Variants in WWC1 observed in about 807,000 individuals in gnomAD.
The protein encoded by WWC1 is WW and C2 domain containing 1, also known as protein KIBRA.
WWC1 carries 55 observed loss-of-function variants against 138.4 expected under a neutral mutation model. The ratio of observed to expected loss-of-function variants is 0.40; its 90% CI spans 0.32 to 0.50. WWC1 has a LOEUF of 0.50. WWC1 is among the 20% of genes least tolerant of loss of function. The pLI is 0.72. For missense variants in WWC1, 1,226 were observed against 1,420.4 expected (o/e 0.86, Z 2.20); for synonymous variants, 524 against 564.9 (o/e 0.93, Z 1.03).
intron 3 of WWC1, among the ~76,000 whole-genome samples, chr5:168,386,010 CT>C (rs1291970973): frequency 6.6e-6 from 1 of 152,116 alleles, no homozygotes; most frequent in African/African-American, 2.4e-5. Flanking sequence ...CCCAGCCCCC[CT>C]TTCTGTTTCC....
intron 1 of WWC1, among the ~76,000 whole-genome samples, chr5:168,349,469 C>T (rs901757124): frequency 1.3e-5 from 2 of 152,228 alleles, no homozygotes; most frequent in Admixed American, 6.5e-5. Context: ...CCATCCCACT[C>T]TCCAGGGCCT....
At chr5:168,297,402 A>C (rs1359726931) in intron 1 of WWC1, among the ~76,000 whole-genome samples, 2 of 152,096 alleles carry the variant, frequency 1.3e-5, no homozygotes, top group Non-Finnish European at 2.9e-5. Context: ...TGAGGCGGGC[A>C]GATCACCTGA....
chr5:168,341,816 C>T (rs1402716938), intron 1 of WWC1, among the ~76,000 whole-genome samples: 1 of 152,182 alleles, frequency 6.6e-6, no homozygotes, highest in Non-Finnish European at 1.5e-5. Context: ...TGAAAAGGAC[C>T]TGGTGATTCA....
At chr5:168,331,007 C>T (rs1019096768) in intron 1 of WWC1, among the ~76,000 whole-genome samples, 4 of 152,170 alleles carry the variant, frequency 2.6e-5, no homozygotes, top group Non-Finnish European at 4.4e-5. Flanking sequence ...ATGTCCACCC[C>T]TTCCCCACTT....
At chr5:168,384,348 ATAT>A (rs1449717042) in intron 2 of WWC1, among the ~76,000 whole-genome samples, 4 of 152,182 alleles carry the variant, frequency 2.6e-5, no homozygotes, top group African/African-American at 9.7e-5. Context: ...ACTTCATAAT[ATAT>A]TATTATTATG....
chr5:168,439,802 T>C (rs1476074447), intron 15 of WWC1, among the ~76,000 whole-genome samples: 1 of 152,210 alleles, frequency 6.6e-6, no homozygotes, highest in African/African-American at 2.4e-5. Flanking sequence ...TTGCTAGATA[T>C]GACTAAATTC....
chr5:168,399,975 G>A (rs1779191102), intron 5 of WWC1, among the ~76,000 whole-genome samples: 1 of 152,138 alleles, frequency 6.6e-6, no homozygotes, highest in South Asian at 2.1e-4. Flanking sequence ...CCTAAAAGCA[G>A]TCACTAAGTG....
intron 1 of WWC1, among the ~76,000 whole-genome samples, chr5:168,310,470 A>G (rs1770972131): frequency 6.6e-6 from 1 of 151,616 alleles, no homozygotes; most frequent in African/African-American, 2.4e-5. Context: ...AGATATAGAA[A>G]TTGTACATAT....
intron 2 of WWC1, among the ~76,000 whole-genome samples, chr5:168,381,845 A>G (rs1223193741): frequency 1.4e-5 from 2 of 147,324 alleles, no homozygotes; most frequent in Non-Finnish European, 3.0e-5. Context: ...TTTAAAAAGA[A>G]AAAAAAAAAA....
intron 1 of WWC1, among the ~76,000 whole-genome samples, chr5:168,305,168 A>G (rs539365483): frequency 1.2e-3 from 179 of 143,510 alleles, no homozygotes; most frequent in African/African-American, 4.4e-3. Context: ...GAGTTTTGCC[A>G]TGTTGGCCAG....
chr5:168,461,999 T>A (rs112228431), intron 20 of WWC1, among the ~76,000 whole-genome samples: 3,611 of 149,938 alleles, frequency 0.024, 173 homozygotes, highest in African/African-American at 0.085. Context: ...GAGGTTGCAG[T>A]GAGCCGAGAT....
At chr5:168,339,859 T>TTCTCTCTC (rs1247837596) in intron 1 of WWC1, among the ~76,000 whole-genome samples, 1 of 138,872 alleles carries the variant, frequency 7.2e-6, no homozygotes, top group Non-Finnish European at 1.6e-5. Flanking sequence ...CTTTCTCTCT[T>TTCTCTCTC]TCTCTCTCTC....
chr5:168,415,993 G>A (rs950292278), intron 9 of WWC1: 2 of 152,110 alleles, frequency 1.3e-5, no homozygotes, highest in African/African-American at 4.8e-5. Context: ...TAGAGATGCT[G>A]TCTGTGCTCA....
intron 1 of WWC1, among the ~76,000 whole-genome samples, chr5:168,343,528 A>C (rs1296648388): frequency 6.6e-6 from 1 of 152,190 alleles, no homozygotes. Context: ...GGGCTGACAT[A>C]TATTAAGAGT....
chr5:168,327,308 G>C (rs1234094024), intron 1 of WWC1, among the ~76,000 whole-genome samples: 1 of 152,104 alleles, frequency 6.6e-6, no homozygotes, highest in African/African-American at 2.4e-5. Flanking sequence ...TGTTCATCCT[G>C]TGATATGTAT....
chr5:168,465,548 CTTTTTT>C lies in WWC1; in HGVS notation c.3150+609_3150+614del, dbSNP rs10527141. 1.9e-4 allele frequency among the ~76,000 whole-genome samples: 9 copies of C among 46,932 alleles called. 1 individual carries two copies. The highest frequency in any genetic ancestry group is 2.5e-4 in the African/African-American group (3 of 11,916). 30.8% of individuals were successfully genotyped at this position (46,932 alleles called of 152,430 possible). ...CACACAAAGTTTTATATCAGCTGGG[CTTTTTT>C]TTTTTTTTTTTTTTTTTTTTTTGGA... On this transcript the variant is annotated intron_variant, in intron 21 of 22. Coordinates refer to ENST00000265293, the MANE Select transcript of WWC1 (RefSeq NM_015238.3).
intron 19 of WWC1, among the ~76,000 whole-genome samples, chr5:168,457,547 GA>G (rs1163025199): frequency 6.6e-6 from 1 of 152,140 alleles, no homozygotes; most frequent in Non-Finnish European, 1.5e-5. Flanking sequence ...AATGGACAGT[GA>G]GCAGTATATG....
rs775768730 is a variant in WWC1 at position 168,455,535 on chromosome 5, G to GA, written c.2823+15_2823+16insA. ...ACGTGTGCCGGGTAAGTGAGCGTGC[G>GA]GCCCTCTTCTGCTCCCCTCAGGGTA... is the stretch of plus-strand genomic sequence containing the variant. On this transcript the variant is annotated intron_variant, in intron 19 of 22. Transcript: ENST00000265293. 10 of 1,610,358 alleles carry GA rather than the reference G, an allele frequency of 6.2e-6. No individual in the cohort carries two copies. The South Asian group carries it at 1.1e-4, about 18-fold the overall frequency.
chr5:168,442,611 A>T (rs2152872393), intron 16 of WWC1, among the ~76,000 whole-genome samples: 1 of 152,032 alleles, frequency 6.6e-6, no homozygotes, highest in South Asian at 2.1e-4. Flanking sequence ...CCAAGGCAGG[A>T]GGATCTCTTG....
Sources: allele counts gnomAD v4.1 joint callset (sites outside exome capture counted in the v4.1 genomes callset), GRCh38; gene constraint gnomAD v4.1.1; transcripts MANE v1.5; gene names NCBI Gene and HGNC (gene_info 2026-07-23, HGNC 2026-07-21).